RPAP2: variants seen among roughly 807,000 people sequenced by gnomAD.
RPAP2 encodes putative RNA polymerase II subunit B1 CTD phosphatase RPAP2.
RPAP2 carries 52 observed loss-of-function variants against 73.1 expected under a neutral mutation model. The ratio of observed to expected loss-of-function variants is 0.71; its 90% CI spans 0.57 to 0.90. The LOEUF is 0.90. RPAP2 is among the 40% of genes least tolerant of loss of function. The pLI, the probability that RPAP2 is intolerant of heterozygous loss-of-function variation, is 0.00. For synonymous variants in RPAP2, 225 were observed against 242.1 expected (o/e 0.93, Z 0.65); for missense variants, 598 against 701.8 (o/e 0.85, Z 1.67).
chr1:92,324,470 T>C, intron 8 of RPAP2, 95 bp downstream of exon 8: 3 of 933,890 alleles, frequency 3.2e-6, no homozygotes, highest in Non-Finnish European at 4.8e-6. Context: ...GAAGAGTTAA[T>C]TGTTAAATTT....
chr1:92,325,447 C>CT (rs1407485886), intron 8 of RPAP2, among the ~76,000 whole-genome samples: 1 of 152,122 alleles, frequency 6.6e-6, no homozygotes, highest in Admixed American at 6.5e-5. Flanking sequence ...ACATTGATCT[C>CT]TGTCACTGAG....
chr1:92,333,274 A>T (rs1321847805), intron 8 of RPAP2, 117 bp from the exon 9 acceptor site: 1 of 730,878 alleles, frequency 1.4e-6, no homozygotes, highest in Admixed American at 2.5e-5. Flanking sequence ...AAGTCTAGTT[A>T]TTTTCCTACT....
chr1:92,325,081 A>C (rs781386913), intron 8 of RPAP2, among the ~76,000 whole-genome samples: 9 of 152,312 alleles, frequency 5.9e-5, no homozygotes, highest in Admixed American at 2.0e-4. Flanking sequence ...CTCAGTAAAT[A>C]GTACCCATAT....
At chr1:92,373,733 TAAAAATAAAAAAAAAAAAAAAA>T (rs1298458998) in intron 11 of RPAP2, among the ~76,000 whole-genome samples, 8 of 40,906 alleles carry the variant, frequency 2.0e-4, no homozygotes, top group South Asian at 2.1e-3. Flanking sequence ...CCGTCTCTAC[TAAAAATAAAAAAAAAAAAAAAA>T]AAAAAAAAAA....
chr1:92,307,422 A>T (rs1311533205), intron 6 of RPAP2, 146 bp downstream of exon 6: 8 of 565,344 alleles, frequency 1.4e-5, no homozygotes, highest in Non-Finnish European at 2.4e-5. Flanking sequence ...TATTTTAAGC[A>T]TAGCTATTAA....
At chr1:92,354,905 T>TATA (rs1179060516) in intron 11 of RPAP2, among the ~76,000 whole-genome samples, 1 of 149,468 alleles carries the variant, frequency 6.7e-6, no homozygotes, top group African/African-American at 2.4e-5. Context: ...TTATTATTAT[T>TATA]ATTATTATTA....
chr1:92,376,385 C>G (rs1655388041), intron 11 of RPAP2, among the ~76,000 whole-genome samples: 1 of 152,006 alleles, frequency 6.6e-6, no homozygotes, highest in South Asian at 2.1e-4. Flanking sequence ...AAGGGAAATA[C>G]AAGGGAATAA....
intron 12 of RPAP2, among the ~76,000 whole-genome samples, chr1:92,384,326 A>T (rs1015728197): frequency 1.3e-5 from 2 of 152,058 alleles, no homozygotes; most frequent in Non-Finnish European, 2.9e-5. Flanking sequence ...TTTGGTGATT[A>T]AGAAAGAATA....
In RPAP2 at chr1:92,382,001, T is replaced by C. The variant is rs59498452; in HGVS notation, c.1838+1128T>C. 0.013 allele frequency among the ~76,000 whole-genome samples: 1,866 copies of C among 148,892 alleles called. 82 individuals carry two copies. In the East Asian group the frequency reaches 0.13, roughly 10 times the overall value. Reference sequence around the variant, plus strand: ...GTTCTCTTTGTTCAATTCCCACCTATGAGTGAGAACATGCGGTGTTTGGTT... The same window carrying C: ...GTTCTCTTTGTTCAATTCCCACCTACGAGTGAGAACATGCGGTGTTTGGTT... On this transcript the variant is annotated intron_variant, in intron 12 of 12. Coordinates refer to ENST00000610020, the MANE Select transcript of RPAP2 (RefSeq NM_024813.3).
chr1:92,357,094 T>TACACACAC (rs34488806), intron 11 of RPAP2, among the ~76,000 whole-genome samples: 1,581 of 144,820 alleles, frequency 0.011, 27 homozygotes, highest in African/African-American at 0.038. Context: ...AAGGATTACA[T>TACACACAC]ACACACACAC....
chr1:92,314,937 C>T lies in RPAP2; in HGVS notation c.489-5662C>T, dbSNP rs561445560. Among the ~76,000 whole-genome samples, 687 of 148,958 alleles carry T rather than the reference C, an allele frequency of 4.6e-3. 2 individuals carry two copies. Among genetic ancestry groups the T allele is most frequent in the Non-Finnish European group, 7.7e-3 (515 of 67,270 alleles). On this transcript the variant is annotated intron_variant, in intron 6 of 12. Coordinates refer to ENST00000610020, the MANE Select transcript of RPAP2 (RefSeq NM_024813.3). Reference sequence around the variant, plus strand: ...GCTCACGCCTGTAATCCCAGCTACTCGGGAGGCTGAGGTGCGAGAATCTCT... The same window carrying T: ...GCTCACGCCTGTAATCCCAGCTACTTGGGAGGCTGAGGTGCGAGAATCTCT...
chr1:92,343,015 T>C (rs953847449), intron 10 of RPAP2, among the ~76,000 whole-genome samples: 3 of 152,118 alleles, frequency 2.0e-5, no homozygotes, highest in South Asian at 2.1e-4. Context: ...CATTTGAGAG[T>C]TGTCAGCATA....
rs1656064282 is a variant in RPAP2, at chr1:92,392,100, A to G, written c.*5089A>G. On this transcript the variant is annotated 3_prime_UTR_variant, in exon 13 of 13. Transcript: ENST00000610020. ...AACAAAAAAAGAGAATTTTAGGCCA[A>G]TATCCCTGATGAACATCGATGCGAA... The G allele has an allele frequency of 6.6e-6, 1 of 152,262 alleles. No homozygotes were observed. Among genetic ancestry groups the G allele is most frequent in the Admixed American group, 6.5e-5 (1 of 15,290 alleles). The allele number at this position is 152,262 out of a possible 1,614,324, so 9.4% of individuals were successfully genotyped here.
Position 92,398,963 on chromosome 1 carries a change from A to G in RPAP2, c.*11952A>G, listed in dbSNP as rs1029554004. On this transcript the variant is annotated 3_prime_UTR_variant, in exon 13 of 13. Coordinates refer to ENST00000610020, the MANE Select transcript of RPAP2 (RefSeq NM_024813.3). Reference sequence around the variant, plus strand: ...AAGGTCCACACCCAGCCAGTTTTCTACTCTCTAAATGTTCAGGCCTTTGCC... The same window carrying G: ...AAGGTCCACACCCAGCCAGTTTTCTGCTCTCTAAATGTTCAGGCCTTTGCC... 8 of 152,214 alleles carry G rather than the reference A, an allele frequency of 5.3e-5. No individual in the cohort carries two copies. Among genetic ancestry groups the G allele is most frequent in the African/African-American group, 1.7e-4 (7 of 41,456 alleles). 9.4% of individuals were successfully genotyped at this position (152,214 alleles called of 1,614,324 possible).
chr1:92,324,446 G>A (rs1234752176), intron 8 of RPAP2, 71 bp downstream of exon 8: 4 of 1,157,228 alleles, frequency 3.5e-6, no homozygotes, highest in South Asian at 2.9e-5. Context: ...AAATCTTGGA[G>A]CAGGAAGGAT....
chr1:92,350,944 A>G (rs1191496126), intron 11 of RPAP2, among the ~76,000 whole-genome samples: 1 of 151,992 alleles, frequency 6.6e-6, no homozygotes, highest in African/African-American at 2.4e-5. Context: ...AATAAAAGAT[A>G]GTCTTCTATA....
At chr1:92,325,631 T>C (rs898259014) in intron 8 of RPAP2, among the ~76,000 whole-genome samples, 2 of 152,210 alleles carry the variant, frequency 1.3e-5, no homozygotes, top group African/African-American at 2.4e-5. Flanking sequence ...AGTAATTATA[T>C]GATTTCTTGA....
At chr1:92,315,364 A>G (rs1285711852) in intron 6 of RPAP2, among the ~76,000 whole-genome samples, 4 of 152,238 alleles carry the variant, frequency 2.6e-5, no homozygotes, top group Non-Finnish European at 5.9e-5. Flanking sequence ...ATCAAAAATT[A>G]CCACATATTA....
At chr1:92,372,143 A>C (rs966019085) in intron 11 of RPAP2, among the ~76,000 whole-genome samples, 24 of 152,206 alleles carry the variant, frequency 1.6e-4, no homozygotes, top group African/African-American at 5.6e-4. Context: ...CAATTAAAAA[A>C]TAACTTTATG....
Sources: gnomAD v4.1 joint callset for allele counts (sites outside exome capture counted in the v4.1 genomes callset) on GRCh38, gnomAD v4.1.1 for gene constraint, MANE v1.5 for transcripts, NCBI Gene and HGNC (gene_info 2026-07-23, HGNC 2026-07-21) for gene names.